The following ZNF804B variants were observed in gnomAD, a reference collection of about 807,000 sequenced individuals.
ZNF804B encodes zinc finger protein 804B, also known as zinc finger 804B.
In ZNF804B, 80 loss-of-function variants were observed where a neutral mutation model predicts 101.4. The observed-to-expected ratio is 0.79, with a 90% CI of 0.66 to 0.95. The LOEUF is 0.95. ZNF804B is among the 40% of genes least tolerant of loss of function. ZNF804B has a pLI of 0.00. For missense variants in ZNF804B, 1,673 were observed against 1,561.9 expected (o/e 1.07, Z -1.20); for synonymous variants, 622 against 558.8 (o/e 1.11, Z -1.59).
chr7:89,147,492 A>G (rs1790808993), intron 1 of ZNF804B, among the ~76,000 whole-genome samples: 1 of 152,082 alleles, frequency 6.6e-6, no homozygotes, highest in Non-Finnish European at 1.5e-5. Flanking sequence ...TAAATTATTG[A>G]ATGTAGAAAC....
Position 89,327,512 on chromosome 7 carries a change from C to A in ZNF804B, c.380+38C>A. The stretch of plus-strand genomic sequence containing the variant: ...GGTGTCTGGGATGCTTCAAAACTCT[C>A]GTCAACCTATGGGGAAATTTTAAAG... On this transcript the variant is annotated intron_variant, in intron 3 of 3. Coordinates refer to ENST00000333190, the MANE Select transcript of ZNF804B (RefSeq NM_181646.5). 1.9e-6 allele frequency: 3 copies of A among 1,587,976 alleles called. No individual in the cohort carries two copies. In the South Asian group the frequency reaches 3.5e-5, roughly 19 times the overall value.
chr7:88,840,095 C>G (rs935440796), intron 1 of ZNF804B, among the ~76,000 whole-genome samples: 3 of 152,092 alleles, frequency 2.0e-5, no homozygotes, highest in Non-Finnish European at 4.4e-5. Flanking sequence ...AAATTGATAT[C>G]CATTGAGAAG....
intron 1 of ZNF804B, among the ~76,000 whole-genome samples, chr7:88,883,605 C>T (rs1271861431): frequency 6.6e-6 from 1 of 152,116 alleles, no homozygotes; most frequent in Non-Finnish European, 1.5e-5. Flanking sequence ...TCTAAGTTAG[C>T]AGTTCTCCTC....
intron 1 of ZNF804B, among the ~76,000 whole-genome samples, chr7:89,062,877 T>A (rs1046414685): frequency 6.6e-6 from 1 of 152,122 alleles, no homozygotes; most frequent in African/African-American, 2.4e-5. Context: ...AATAATAAAT[T>A]TACATTATCA....
At chr7:88,875,647 C>T (rs1391501905) in intron 1 of ZNF804B, among the ~76,000 whole-genome samples, 1 of 151,972 alleles carries the variant, frequency 6.6e-6, no homozygotes, top group African/African-American at 2.4e-5. Flanking sequence ...ATAACAGGCT[C>T]TGAAATTGTG....
At position 89,259,982 on chromosome 7, in the gene ZNF804B, C is replaced by CA. The variant is rs551098651; in HGVS notation, c.249+41694dup. Among the ~76,000 whole-genome samples the CA allele has an allele frequency of 1.7e-4, 25 of 147,866 alleles. No individual in the cohort carries two copies. The East Asian group carries it at 4.3e-3, about 26-fold the overall frequency. On this transcript the variant is annotated intron_variant, in intron 2 of 3. Transcript: ENST00000333190. The stretch of plus-strand genomic sequence containing the variant: ...CCTGGGCGACAAAGCGAAACTCCGT[C>CA]AAAAAAATAAAAAGAGAGAGAGAGA...
intron 1 of ZNF804B, among the ~76,000 whole-genome samples, chr7:89,181,409 C>G (rs573079089): frequency 1.3e-5 from 2 of 152,310 alleles, no homozygotes; most frequent in Admixed American, 6.5e-5. Context: ...TAGGGCTAGT[C>G]TAAATGCTGC....
At chr7:89,191,441 G>T (rs914582218) in intron 1 of ZNF804B, among the ~76,000 whole-genome samples, 18 of 151,962 alleles carry the variant, frequency 1.2e-4, no homozygotes, top group African/African-American at 4.3e-4. Context: ...ACACAAAATT[G>T]CCATCTGAAT....
chr7:89,067,828 C>CTTTTTTTTTTTTT (rs112256863), intron 1 of ZNF804B, among the ~76,000 whole-genome samples: 1 of 132,784 alleles, frequency 7.5e-6, no homozygotes, highest in Non-Finnish European at 1.6e-5. Context: ...CTTTTCTTTT[C>CTTTTTTTTTTTTT]TTTTTTTTTT....
At chr7:88,774,555 T>G (rs1431637949) in intron 1 of ZNF804B, among the ~76,000 whole-genome samples, 5 of 152,202 alleles carry the variant, frequency 3.3e-5, no homozygotes, top group Non-Finnish European at 5.9e-5. Context: ...ATGCCAGACA[T>G]TTCAATTTAG....
chr7:89,202,256 T>C (rs965710578), intron 1 of ZNF804B, among the ~76,000 whole-genome samples: 7 of 152,270 alleles, frequency 4.6e-5, no homozygotes, highest in African/African-American at 1.7e-4. Flanking sequence ...CCTTTCATGT[T>C]AGACATCCCT....
intron 1 of ZNF804B, among the ~76,000 whole-genome samples, chr7:89,006,156 G>A (rs1209457527): frequency 6.6e-6 from 1 of 151,906 alleles, no homozygotes; most frequent in Non-Finnish European, 1.5e-5. Flanking sequence ...CAAAGCAAGG[G>A]CATTTTTTTT....
At chr7:89,106,846 C>G (rs888641100) in intron 1 of ZNF804B, among the ~76,000 whole-genome samples, 2 of 152,070 alleles carry the variant, frequency 1.3e-5, no homozygotes, top group East Asian at 1.9e-4. Context: ...CCCATGTTTT[C>G]AAGTAGGAGA....
chr7:88,868,765 G>T (rs543818671), intron 1 of ZNF804B, among the ~76,000 whole-genome samples: 1 of 152,336 alleles, frequency 6.6e-6, no homozygotes, highest in Non-Finnish European at 1.5e-5. Flanking sequence ...CTCAGTAGTT[G>T]AATCTGCTAA....
chr7:88,985,868 T>A (rs1793753135), intron 1 of ZNF804B, among the ~76,000 whole-genome samples: 1 of 152,110 alleles, frequency 6.6e-6, no homozygotes. Flanking sequence ...ATTAACTGAA[T>A]GGAAGCAGAA....
chr7:88,814,410 A>G (rs1360930354), intron 1 of ZNF804B, among the ~76,000 whole-genome samples: 1 of 150,650 alleles, frequency 6.6e-6, no homozygotes, highest in Non-Finnish European at 1.5e-5. Flanking sequence ...TAGTCATAGA[A>G]CCATATGAAC....
Position 88,851,003 on chromosome 7 carries a change from GA to G in ZNF804B, c.108+90924del, listed in dbSNP as rs199871447. 2.0e-5 allele frequency among the ~76,000 whole-genome samples: 3 copies of G among 152,134 alleles called. No homozygotes were observed. The East Asian group carries it at 5.8e-4, about 29-fold the overall frequency. ...GATAAAAAGTTTCAGTGTCTGAGAT[GA>G]AAAATACACTGGTTGAGATTAACAG... On this transcript the variant is annotated intron_variant, in intron 1 of 3. Transcript: ENST00000333190.
At chr7:88,797,965 T>C (rs1475012497) in intron 1 of ZNF804B, among the ~76,000 whole-genome samples, 1 of 152,148 alleles carries the variant, frequency 6.6e-6, no homozygotes, top group Non-Finnish European at 1.5e-5. Context: ...TCAGAATAAA[T>C]AATAAAAACT....
intron 1 of ZNF804B, among the ~76,000 whole-genome samples, chr7:89,145,307 C>T (rs1790776215): frequency 6.6e-6 from 1 of 151,824 alleles, no homozygotes; most frequent in African/African-American, 2.4e-5. Context: ...CAGATGGGCA[C>T]ATTTAAAGAT....
Sources: gnomAD v4.1 joint callset for allele counts (sites outside exome capture counted in the v4.1 genomes callset) on GRCh38, gnomAD v4.1.1 for gene constraint, MANE v1.5 for transcripts, NCBI Gene and HGNC (gene_info 2026-07-23, HGNC 2026-07-21) for gene names.